The following OSBPL8 variants were observed in gnomAD, a reference collection of about 807,000 sequenced individuals.
OSBPL8 encodes the protein oxysterol-binding protein-related protein 8.
A neutral mutation model predicts 125.5 loss-of-function variants in OSBPL8; 59 were observed. The observed-to-expected ratio is 0.47, with a 90% CI of 0.38 to 0.58. The LOEUF is 0.58. Among genes scored for constraint, OSBPL8 ranks in the 20% least tolerant of loss-of-function variants. The pLI is 0.00. For synonymous variants in OSBPL8, 330 were observed against 338.9 expected, an observed-to-expected ratio of 0.97 and a Z score of 0.29; for missense variants, 758 against 1,047.8, an observed-to-expected ratio of 0.72 and a Z score of 3.82.
chr12:76,485,659 A>C (rs929321497), intron 2 of OSBPL8, among the ~76,000 whole-genome samples: 15 of 152,336 alleles, frequency 9.8e-5, no homozygotes, highest in African/African-American at 3.1e-4. Flanking sequence ...TTTATTCAGA[A>C]ATATAGGTAT....
At chr12:76,551,370 T>A (rs533506736) in intron 1 of OSBPL8, among the ~76,000 whole-genome samples, 13 of 152,180 alleles carry the variant, frequency 8.5e-5, no homozygotes, top group Admixed American at 6.5e-5. Context: ...TTTTTCATTG[T>A]CACAATTAAG....
At position 76,353,302 on chromosome 12, in the gene OSBPL8, T is replaced by G. The variant is rs1470978484; in HGVS notation, c.*2587A>C. 1 of 7,518 alleles carries G rather than the reference T, an allele frequency of 1.3e-4. No homozygotes were observed. The highest frequency in any genetic ancestry group is 0.12 in the East Asian group (1 of 8). 0.5% of individuals were successfully genotyped at this position (7,518 alleles called of 1,614,324 possible). A position where few individuals can be genotyped will look rare whatever the true frequency, so the allele number is the denominator to read the frequency against. ...TCACATGCCCTATTTATTGTTGTTG[T>G]TTTTTTTTTTTTTTTACATGTCCTG... On this transcript the variant is annotated 3_prime_UTR_variant, in exon 24 of 24. Transcript: ENST00000261183.
chr12:76,394,540 C>T (rs1005506286), intron 9 of OSBPL8, 105 bp downstream of exon 9: 5 of 781,864 alleles, frequency 6.4e-6, no homozygotes, highest in Non-Finnish European at 1.0e-5. Context: ...GCTTCTGCTG[C>T]AAATGCCATA....
intron 1 of OSBPL8, among the ~76,000 whole-genome samples, chr12:76,524,238 G>A (rs945698504): frequency 5.9e-5 from 9 of 152,206 alleles, no homozygotes; most frequent in Middle Eastern, 3.4e-3. Context: ...ATTAAAAACT[G>A]TCTATGAAAG....
chr12:76,472,919 T>C (rs1336099075), intron 2 of OSBPL8, among the ~76,000 whole-genome samples: 1 of 152,106 alleles, frequency 6.6e-6, no homozygotes, highest in African/African-American at 2.4e-5. Context: ...GAGTCTTCTC[T>C]AAACTCCCCC....
chr12:76,515,355 G>T (rs1187896683), intron 1 of OSBPL8, among the ~76,000 whole-genome samples: 2 of 152,170 alleles, frequency 1.3e-5, no homozygotes, highest in African/African-American at 4.8e-5. Flanking sequence ...CAGGGCCAAG[G>T]CTTTGTGCAG....
chr12:76,497,290 G>A (rs1191729636), intron 1 of OSBPL8, among the ~76,000 whole-genome samples: 1 of 150,624 alleles, frequency 6.6e-6, no homozygotes. Context: ...TAGTTCTGAT[G>A]TTGTAGCATG....
intron 2 of OSBPL8, among the ~76,000 whole-genome samples, chr12:76,472,133 T>A (rs1169721930): frequency 6.6e-6 from 1 of 152,210 alleles, no homozygotes; most frequent in Non-Finnish European, 1.5e-5. Context: ...CCTGACTCCA[T>A]CGTCTACTTG....
chr12:76,367,332 G>C (rs1044621503), intron 21 of OSBPL8, among the ~76,000 whole-genome samples: 5 of 151,722 alleles, frequency 3.3e-5, no homozygotes, highest in African/African-American at 4.8e-5. Context: ...AGTCTATTTA[G>C]TCTGACAGTA....
intron 1 of OSBPL8, among the ~76,000 whole-genome samples, chr12:76,533,137 T>C (rs1043388890): frequency 6.6e-6 from 1 of 152,200 alleles, no homozygotes; most frequent in Non-Finnish European, 1.5e-5. Context: ...ACATAGAACA[T>C]TTTAAAACAC....
intron 2 of OSBPL8, among the ~76,000 whole-genome samples, chr12:76,484,725 A>G (rs1877938361): frequency 6.6e-6 from 1 of 152,174 alleles, no homozygotes; most frequent in African/African-American, 2.4e-5. Context: ...CTAAACAGTA[A>G]CTAGCTTAGA....
chr12:76,515,231 GT>G (rs1459724072), intron 1 of OSBPL8, among the ~76,000 whole-genome samples: 1 of 152,198 alleles, frequency 6.6e-6, no homozygotes, highest in Non-Finnish European at 1.5e-5. Flanking sequence ...ATTTACTGGA[GT>G]TCTTGAGTTA....
intron 1 of OSBPL8, among the ~76,000 whole-genome samples, chr12:76,495,937 G>A (rs990581653): frequency 2.6e-5 from 4 of 152,150 alleles, no homozygotes; most frequent in African/African-American, 9.7e-5. Flanking sequence ...GGAGCTCCAT[G>A]TTTCTTGATT....
At chr12:76,494,355 T>C (rs1213089932) in intron 1 of OSBPL8, among the ~76,000 whole-genome samples, 1 of 152,166 alleles carries the variant, frequency 6.6e-6, no homozygotes, top group Non-Finnish European at 1.5e-5. Flanking sequence ...TCTTTTACTC[T>C]AAGTGATATG....
intron 4 of OSBPL8, among the ~76,000 whole-genome samples, chr12:76,450,088 T>C (rs1246086731): frequency 6.6e-6 from 1 of 152,156 alleles, no homozygotes; most frequent in Non-Finnish European, 1.5e-5. Flanking sequence ...GACATTAAAG[T>C]GATTTGCAAA....
At chr12:76,510,529 T>C (rs1880863496) in intron 1 of OSBPL8, among the ~76,000 whole-genome samples, 1 of 152,218 alleles carries the variant, frequency 6.6e-6, no homozygotes, top group African/African-American at 2.4e-5. Flanking sequence ...CCTTAATACC[T>C]ATTACTGCTT....
chr12:76,542,834 C>T (rs897170154), intron 1 of OSBPL8, among the ~76,000 whole-genome samples: 2 of 152,202 alleles, frequency 1.3e-5, no homozygotes, highest in Non-Finnish European at 2.9e-5. Flanking sequence ...CCAGTCCCTA[C>T]CTCCTATACC....
rs772196858 is a variant in OSBPL8, at chr12:76,487,510, C to T, written c.42G>A (p.Ser14=). ...GLADGEPDRT[S]LLGDSKDVLG... ...CCTATGTCATATATGAACTACTCAC[C>T]GAAGTTCGATCAGGTTCTCCATCTG... The change falls in exon 2 of 24, where the codon TCG becomes TCA. Residue 14 remains serine, a splice_region_variant and synonymous_variant. Coordinates refer to ENST00000261183, the MANE Select transcript of OSBPL8 (RefSeq NM_020841.5). The T allele has an allele frequency of 2.4e-5, 39 of 1,603,542 alleles. No homozygotes were observed. The highest frequency in any genetic ancestry group is 3.4e-5 in the Admixed American group (2 of 58,208).
At chr12:76,550,088 TTGGGGTGTGGGGGGGC>T (rs1950893301) in intron 1 of OSBPL8, among the ~76,000 whole-genome samples, 1 of 147,086 alleles carries the variant, frequency 6.8e-6, no homozygotes, top group African/African-American at 2.5e-5. Context: ...TGCTGAAGAG[TTGGGGTGTGGGGGGGC>T]TGGGGTGTAG....
Sources: allele counts gnomAD v4.1 joint callset (sites outside exome capture counted in the v4.1 genomes callset), GRCh38; gene constraint gnomAD v4.1.1; transcripts MANE v1.5; gene names NCBI Gene and HGNC (gene_info 2026-07-23, HGNC 2026-07-21).